The following GSK3B variants were observed in gnomAD, a reference collection of about 807,000 sequenced individuals.
The protein encoded by GSK3B is glycogen synthase kinase-3 beta.
In GSK3B, 15 loss-of-function variants were observed where a neutral mutation model predicts 56.4. The ratio of observed to expected loss-of-function variants is 0.27; its 90% CI spans 0.18 to 0.41. GSK3B has a LOEUF of 0.41. Among genes scored for constraint, GSK3B ranks in the 10% least tolerant of loss-of-function variants. The pLI, the probability that GSK3B is intolerant of heterozygous loss-of-function variation, is 1.00. For synonymous variants in GSK3B, 181 were observed against 188.9 expected (o/e 0.96, Z 0.34); for missense variants, 300 against 513.4 (o/e 0.58, Z 4.02).
At chr3:119,871,135 AG>A (rs1458105661) in intron 8 of GSK3B, among the ~76,000 whole-genome samples, 3 of 152,348 alleles carry the variant, frequency 2.0e-5, no homozygotes, top group African/African-American at 7.2e-5. Context: ...AAATAAGTAC[AG>A]TGGGGCTTTT....
chr3:119,857,298 T>C (rs998004482), intron 9 of GSK3B, among the ~76,000 whole-genome samples: 9 of 152,308 alleles, frequency 5.9e-5, no homozygotes, highest in Non-Finnish European at 1.2e-4. Flanking sequence ...TTTAAGGCTG[T>C]TTGATAGCAT....
At chr3:120,075,274 T>C (rs1408495837) in intron 1 of GSK3B, among the ~76,000 whole-genome samples, 1 of 152,180 alleles carries the variant, frequency 6.6e-6, no homozygotes, top group African/African-American at 2.4e-5. Flanking sequence ...GCTAACTACA[T>C]AATCAATGGC....
At chr3:119,878,528 A>T (rs1415257122) in intron 7 of GSK3B, among the ~76,000 whole-genome samples, 4 of 152,222 alleles carry the variant, frequency 2.6e-5, no homozygotes, top group Non-Finnish European at 5.9e-5. Flanking sequence ...AATGGTATAT[A>T]GCACCTTGGA....
intron 1 of GSK3B, among the ~76,000 whole-genome samples, chr3:120,051,491 G>T (rs1299934194): frequency 1.3e-5 from 2 of 152,186 alleles, no homozygotes; most frequent in African/African-American, 2.4e-5. Context: ...ACTGGGTCAG[G>T]CGCGGTGGCT....
intron 7 of GSK3B, among the ~76,000 whole-genome samples, chr3:119,880,069 A>C (rs1452503727): frequency 2.0e-5 from 3 of 151,992 alleles, no homozygotes; most frequent in African/African-American, 7.3e-5. Context: ...AGCAGTACTA[A>C]CTTACATCGC....
chr3:120,066,944 C>T (rs949603657), intron 1 of GSK3B, among the ~76,000 whole-genome samples: 1 of 151,792 alleles, frequency 6.6e-6, no homozygotes, highest in South Asian at 2.1e-4. Flanking sequence ...GTTCCTTGGG[C>T]GACACTGGAA....
At chr3:120,006,956 A>G (rs2057734524) in intron 1 of GSK3B, among the ~76,000 whole-genome samples, 1 of 150,482 alleles carries the variant, frequency 6.6e-6, no homozygotes, top group Admixed American at 6.6e-5. Flanking sequence ...AAAACCTTCA[A>G]AAAAAAAAAT....
At chr3:120,009,294 G>C (rs2057757327) in intron 1 of GSK3B, among the ~76,000 whole-genome samples, 1 of 152,134 alleles carries the variant, frequency 6.6e-6, no homozygotes, top group Non-Finnish European at 1.5e-5. Context: ...CAAGGATCTA[G>C]AACTAGAAAT....
intron 2 of GSK3B, among the ~76,000 whole-genome samples, chr3:119,976,740 A>G (rs1215276665): frequency 6.7e-6 from 1 of 149,896 alleles, no homozygotes; most frequent in Non-Finnish European, 1.5e-5. Flanking sequence ...ATAAATAAAT[A>G]TATCAAGCAG....
intron 9 of GSK3B, among the ~76,000 whole-genome samples, chr3:119,851,443 G>C (rs1225654989): frequency 6.6e-6 from 1 of 152,188 alleles, no homozygotes; most frequent in Admixed American, 6.5e-5. Context: ...GGACAGGTAA[G>C]AACTTTCCTA....
chr3:119,882,426 T>A (rs1315617408), intron 7 of GSK3B, among the ~76,000 whole-genome samples: 1 of 152,162 alleles, frequency 6.6e-6, no homozygotes, highest in Non-Finnish European at 1.5e-5. Flanking sequence ...AGTTTTACAG[T>A]GAACACCAAC....
intron 7 of GSK3B, among the ~76,000 whole-genome samples, chr3:119,890,563 C>G (rs2056490257): frequency 6.6e-6 from 1 of 151,918 alleles, no homozygotes; most frequent in Non-Finnish European, 1.5e-5. Flanking sequence ...TCCAGGCAAA[C>G]TGAGACATTT....
intron 2 of GSK3B, among the ~76,000 whole-genome samples, chr3:119,995,939 T>C (rs900130722): frequency 6.6e-6 from 1 of 151,926 alleles, no homozygotes. Context: ...GATTTTGCCA[T>C]GTTGGCCAGG....
At chr3:119,973,421 T>C (rs776122683) in intron 2 of GSK3B, among the ~76,000 whole-genome samples, 4 of 152,340 alleles carry the variant, frequency 2.6e-5, no homozygotes, top group Non-Finnish European at 4.4e-5. Context: ...GTCATCGGCA[T>C]TGTCTGCTCT....
chr3:120,005,884 C>A (rs1035412604), intron 1 of GSK3B, among the ~76,000 whole-genome samples: 1 of 152,064 alleles, frequency 6.6e-6, no homozygotes, highest in African/African-American at 2.4e-5. Flanking sequence ...GGCAAAATAA[C>A]CAGCTAGCAT....
intron 3 of GSK3B, among the ~76,000 whole-genome samples, chr3:119,936,306 AATATATATAAAAAT>A (rs1174104203): frequency 6.8e-6 from 1 of 147,080 alleles, no homozygotes; most frequent in Non-Finnish European, 1.5e-5. Context: ...AAATAACATA[AATATATATAAAAAT>A]ATAAATATAT....
At chr3:120,005,885 C>T (rs1397451869) in intron 1 of GSK3B, among the ~76,000 whole-genome samples, 1 of 152,054 alleles carries the variant, frequency 6.6e-6, no homozygotes, top group African/African-American at 2.4e-5. Flanking sequence ...GCAAAATAAC[C>T]AGCTAGCATC....
chr3:119,840,651 C>T (rs2055758436), intron 10 of GSK3B, among the ~76,000 whole-genome samples: 1 of 152,210 alleles, frequency 6.6e-6, no homozygotes, highest in Non-Finnish European at 1.5e-5. Flanking sequence ...TTGGTCTAGA[C>T]CAGCATTTCC....
intron 1 of GSK3B, among the ~76,000 whole-genome samples, chr3:120,004,758 C>T (rs984325003): frequency 6.6e-6 from 1 of 152,170 alleles, no homozygotes; most frequent in Admixed American, 6.5e-5. Context: ...CACACCAAAA[C>T]CCCATACGTA....
Sources: allele counts gnomAD v4.1 joint callset (sites outside exome capture counted in the v4.1 genomes callset), GRCh38; gene constraint gnomAD v4.1.1; transcripts MANE v1.5; gene names NCBI Gene and HGNC (gene_info 2026-07-23, HGNC 2026-07-21).